DACH1: variants seen among roughly 807,000 people sequenced by gnomAD.
The protein encoded by DACH1 is dachshund family transcription factor 1, also known as dachshund homolog 1.
In DACH1, 12 loss-of-function variants were observed where a neutral mutation model predicts 54.2. The ratio of observed to expected loss-of-function variants is 0.22; its 90% CI spans 0.14 to 0.36. DACH1 has a LOEUF of 0.36. DACH1 is among the 10% of genes least tolerant of loss of function. DACH1 has a pLI of 1.00. For missense variants in DACH1, 805 were observed against 929.8 expected, an observed-to-expected ratio of 0.87 and a Z score of 1.75; for synonymous variants, 386 against 366.2, an observed-to-expected ratio of 1.05 and a Z score of -0.62.
At chr13:71,571,491 T>C (rs1193677969) in intron 4 of DACH1, among the ~76,000 whole-genome samples, 2 of 152,156 alleles carry the variant, frequency 1.3e-5, no homozygotes, top group Non-Finnish European at 2.9e-5. Context: ...TTTTCAAAGG[T>C]CTTTTTATCA....
chr13:71,858,083 A>C (rs1370903040), intron 1 of DACH1, among the ~76,000 whole-genome samples: 3 of 151,662 alleles, frequency 2.0e-5, no homozygotes, highest in Non-Finnish European at 4.4e-5. Context: ...ATTTATTTTC[A>C]TTGCCTTTAC....
At chr13:71,557,939 G>A (rs1470689543) in intron 5 of DACH1, among the ~76,000 whole-genome samples, 3 of 150,548 alleles carry the variant, frequency 2.0e-5, no homozygotes, top group African/African-American at 4.9e-5. Flanking sequence ...TAATTGTAGT[G>A]TGTGATCATA....
chr13:71,701,438 A>T (rs960066307), intron 1 of DACH1, among the ~76,000 whole-genome samples: 9 of 152,176 alleles, frequency 5.9e-5, no homozygotes, highest in Admixed American at 5.9e-4. Flanking sequence ...AATGATGCAT[A>T]TATCTCTGTA....
intron 6 of DACH1, among the ~76,000 whole-genome samples, chr13:71,489,683 C>A (rs1023114774): frequency 6.6e-6 from 1 of 151,870 alleles, no homozygotes; most frequent in Non-Finnish European, 1.5e-5. Context: ...AACTGGAATC[C>A]AAATATGTAT....
chr13:71,809,069 G>A (rs1235952502), intron 1 of DACH1, among the ~76,000 whole-genome samples: 3 of 152,134 alleles, frequency 2.0e-5, no homozygotes, highest in Non-Finnish European at 4.4e-5. Flanking sequence ...GAATAAAATG[G>A]ATGATTGTTA....
intron 1 of DACH1, among the ~76,000 whole-genome samples, chr13:71,716,493 T>C (rs921773276): frequency 3.3e-5 from 5 of 152,126 alleles, no homozygotes; most frequent in Non-Finnish European, 7.4e-5. Context: ...TTTACAGATC[T>C]AATCCTTCTT....
chr13:71,675,612 T>G (rs1307283506), intron 2 of DACH1: 1 of 611,406 alleles, frequency 1.6e-6, no homozygotes, highest in Non-Finnish European at 2.9e-6. Flanking sequence ...TGATTGCGAG[T>G]GGAAAAATAG....
chr13:71,855,876 A>G (rs1873969167), intron 1 of DACH1, among the ~76,000 whole-genome samples: 1 of 150,820 alleles, frequency 6.6e-6, no homozygotes, highest in African/African-American at 2.4e-5. Context: ...CTGACTCATT[A>G]GTAAAGAGAA....
chr13:71,449,510 C>T (rs932171945), intron 10 of DACH1, among the ~76,000 whole-genome samples: 2 of 151,738 alleles, frequency 1.3e-5, no homozygotes, highest in Non-Finnish European at 2.9e-5. Flanking sequence ...GAACATCACA[C>T]ACTGGGGCCT....
intron 10 of DACH1, among the ~76,000 whole-genome samples, chr13:71,472,366 A>G (rs1877157673): frequency 6.6e-6 from 1 of 152,192 alleles, no homozygotes; most frequent in Admixed American, 6.5e-5. Context: ...TGGTGATACA[A>G]AATGCCAATG....
chr13:71,668,838 T>C (rs1160477220), intron 2 of DACH1, among the ~76,000 whole-genome samples: 1 of 151,878 alleles, frequency 6.6e-6, no homozygotes, highest in Non-Finnish European at 1.5e-5. Context: ...GGCAGGAGAA[T>C]TGCTTGAACC....
chr13:71,626,725 C>G (rs1459008818), intron 3 of DACH1, among the ~76,000 whole-genome samples: 1 of 152,008 alleles, frequency 6.6e-6, no homozygotes, highest in Non-Finnish European at 1.5e-5. Context: ...CAGTGCATAT[C>G]ATCTGTCTCA....
intron 3 of DACH1, among the ~76,000 whole-genome samples, chr13:71,617,075 G>A (rs1471106529): frequency 6.6e-6 from 1 of 151,868 alleles, no homozygotes; most frequent in Non-Finnish European, 1.5e-5. Context: ...CACCATGCTG[G>A]CCAGGCTGAT....
At position 71,627,334 on chromosome 13, in the gene DACH1, A is replaced by T. The variant is rs553929253; in HGVS notation, c.1126+3222T>A. Reference sequence around the variant, plus strand: ...AATCAAGGAAAAAAACAACGCTCTTACAAAAAAAAAAAAAAAAAGCCTAAA... The same window carrying T: ...AATCAAGGAAAAAAACAACGCTCTTTCAAAAAAAAAAAAAAAAAGCCTAAA... On this transcript the variant is annotated intron_variant, in intron 3 of 10. Coordinates refer to ENST00000613252, the MANE Select transcript of DACH1 (RefSeq NM_080759.6). Among the ~76,000 whole-genome samples the T allele has an allele frequency of 2.5e-3, 350 of 141,298 alleles. 4 individuals are homozygous for T. Among genetic ancestry groups the T allele is most frequent in the African/African-American group, 9.6e-3 (339 of 35,318 alleles). 92.7% of individuals were successfully genotyped at this position (141,298 alleles called of 152,430 possible).
chr13:71,490,718 T>A (rs1047950266), intron 6 of DACH1, among the ~76,000 whole-genome samples: 1 of 152,220 alleles, frequency 6.6e-6, no homozygotes, highest in Non-Finnish European at 1.5e-5. Context: ...CTAGCTATCA[T>A]AAATTGCTCT....
chr13:71,639,372 T>C (rs1684869531), intron 2 of DACH1, among the ~76,000 whole-genome samples: 1 of 152,136 alleles, frequency 6.6e-6, no homozygotes, highest in Admixed American at 6.5e-5. Flanking sequence ...AGACTGACTT[T>C]TCTTGGCCTT....
chr13:71,486,212 C>T (rs1264990962), intron 7 of DACH1, among the ~76,000 whole-genome samples: 6 of 151,710 alleles, frequency 4.0e-5, no homozygotes, highest in South Asian at 4.2e-4. Flanking sequence ...TATGAAAACA[C>T]GTTATTTTAA....
At chr13:71,826,999 A>T (rs991540640) in intron 1 of DACH1, among the ~76,000 whole-genome samples, 3 of 152,120 alleles carry the variant, frequency 2.0e-5, no homozygotes, top group Non-Finnish European at 4.4e-5. Flanking sequence ...TAGGATGAGG[A>T]TTAAGAACAT....
At chr13:71,816,568 GTATA>G (rs1330914179) in intron 1 of DACH1, among the ~76,000 whole-genome samples, 1 of 143,206 alleles carries the variant, frequency 7.0e-6, no homozygotes, top group African/African-American at 2.6e-5. Context: ...ATATATGTGT[GTATA>G]TATATACACG....
Sources: allele counts gnomAD v4.1 joint callset (sites outside exome capture counted in the v4.1 genomes callset), GRCh38; gene constraint gnomAD v4.1.1; transcripts MANE v1.5; gene names NCBI Gene and HGNC (gene_info 2026-07-23, HGNC 2026-07-21).